The following PLA2G10 variants were observed in gnomAD, a reference collection of about 807,000 sequenced individuals.
PLA2G10 encodes group 10 secretory phospholipase A2.
A neutral mutation model predicts 7.9 loss-of-function variants in PLA2G10; 9 were observed. The ratio of observed to expected loss-of-function variants is 1.14; its 90% CI spans 0.68 to 1.98. The LOEUF (loss-of-function observed/expected upper bound fraction) is 1.98. PLA2G10 is among the 30% of genes most tolerant of loss of function. The probability of loss-of-function intolerance (pLI) is 0.00; values close to 1 mark genes in which losing one functional copy is unlikely to be tolerated. For synonymous variants in PLA2G10, 19 were observed against 27.5 expected, an observed-to-expected ratio of 0.69 and a Z score of 0.97; for missense variants, 53 against 65.4, an observed-to-expected ratio of 0.81 and a Z score of 0.66.
At chr16:14,683,459 C>T (rs536013948) in intron 3 of PLA2G10, among the ~76,000 whole-genome samples, 1 of 152,100 alleles carries the variant, frequency 6.6e-6, no homozygotes, top group Non-Finnish European at 1.5e-5. Flanking sequence ...TGGTCTCGAA[C>T]TCCTGAGTTC....
At chr16:14,675,780 A>C (rs1172756380) in intron 3 of PLA2G10, among the ~76,000 whole-genome samples, 1 of 152,040 alleles carries the variant, frequency 6.6e-6, no homozygotes, top group African/African-American at 2.4e-5. Flanking sequence ...CTCTACTAAA[A>C]ATACAAAAAT....
chr16:14,681,114 A>G (rs1960878417), intron 3 of PLA2G10, among the ~76,000 whole-genome samples: 1 of 151,452 alleles, frequency 6.6e-6, no homozygotes, highest in Non-Finnish European at 1.5e-5. Flanking sequence ...CAGTGAGCTG[A>G]GATAGCACCA....
At chr16:14,683,443 C>T (rs1225526254) in intron 3 of PLA2G10, among the ~76,000 whole-genome samples, 1 of 151,720 alleles carries the variant, frequency 6.6e-6, no homozygotes, top group African/African-American at 2.4e-5. Flanking sequence ...ACCGTGCTGC[C>T]CTGGCTGGTC....
intron 3 of PLA2G10, among the ~76,000 whole-genome samples, chr16:14,686,986 T>C (rs1354737796): frequency 6.6e-6 from 1 of 151,832 alleles, no homozygotes; most frequent in African/African-American, 2.4e-5. Flanking sequence ...CAGGCACCTG[T>C]AATCTCAGCT....
chr16:14,676,901 T>C (rs995551524), intron 3 of PLA2G10, among the ~76,000 whole-genome samples: 2 of 152,118 alleles, frequency 1.3e-5, no homozygotes, highest in African/African-American at 4.8e-5. Context: ...TTCTCACTTA[T>C]AAGTGAGAGC....
intron 3 of PLA2G10, among the ~76,000 whole-genome samples, chr16:14,674,368 A>G (rs1316734407): frequency 6.6e-6 from 1 of 152,204 alleles, no homozygotes. Flanking sequence ...CATTTTTCAC[A>G]TAATTAGAAG....
intron 3 of PLA2G10, among the ~76,000 whole-genome samples, chr16:14,677,480 C>A (rs1351505683): frequency 2.6e-5 from 4 of 152,150 alleles, no homozygotes; most frequent in Non-Finnish European, 5.9e-5. Context: ...GATTCTCCTG[C>A]CTCAGCCTCC....
chr16:14,685,014 T>A (rs956716063), intron 3 of PLA2G10, among the ~76,000 whole-genome samples: 1 of 152,198 alleles, frequency 6.6e-6, no homozygotes, highest in African/African-American at 2.4e-5. Flanking sequence ...CGAAATGTGA[T>A]CTATCCATGC....
At position 14,683,980 on chromosome 16, in the gene PLA2G10, A is replaced by T. The variant is rs1307349093; in HGVS notation, c.355+4185T>A. Among the ~76,000 whole-genome samples, 2 of 152,188 alleles carry T rather than the reference A, an allele frequency of 1.3e-5. 1 individual carries two copies. The highest frequency in any genetic ancestry group is 4.8e-5 in the African/African-American group (2 of 41,454). Reference sequence around the variant, plus strand: ...ACTGGGCATGGTGATTCATGCCTGCAATCCCAGCACTTTCAGAGGCAGACA... The same window carrying T: ...ACTGGGCATGGTGATTCATGCCTGCTATCCCAGCACTTTCAGAGGCAGACA... On this transcript the variant is annotated intron_variant, in intron 3 of 3. Coordinates refer to ENST00000438167, the MANE Select transcript of PLA2G10 (RefSeq NM_003561.3).
chr16:14,693,284 C>G lies in PLA2G10; in HGVS notation c.97+849G>C, dbSNP rs1385589599. Among the ~76,000 whole-genome samples, 11 of 18,280 alleles carry G rather than the reference C, an allele frequency of 6.0e-4. 5 individuals carry two copies. Among genetic ancestry groups the G allele is most frequent in the Non-Finnish European group, 1.1e-3 (9 of 8,158 alleles). 12.0% of individuals were successfully genotyped at this position (18,280 alleles called of 152,430 possible). On this transcript the variant is annotated intron_variant, in intron 1 of 3. Coordinates refer to ENST00000438167, the MANE Select transcript of PLA2G10 (RefSeq NM_003561.3). ...CCATCCTGTGACCCCAGGGTCTATG[C>G]GCACATATGTGTGTCTGTGCTGCTC...
intron 3 of PLA2G10, among the ~76,000 whole-genome samples, chr16:14,683,575 A>G (rs1960956605): frequency 6.6e-6 from 1 of 152,100 alleles, no homozygotes; most frequent in African/African-American, 2.4e-5. Flanking sequence ...TCAATGGGGA[A>G]GAGTCTCTTC....
intron 3 of PLA2G10, among the ~76,000 whole-genome samples, chr16:14,679,358 A>G (rs1207080029): frequency 1.3e-5 from 2 of 151,948 alleles, no homozygotes; most frequent in Admixed American, 1.3e-4. Context: ...GCATAGCAAG[A>G]CACCATCTCT....
chr16:14,686,060 T>C (rs1201041914), intron 3 of PLA2G10, among the ~76,000 whole-genome samples: 1 of 149,268 alleles, frequency 6.7e-6, no homozygotes, highest in African/African-American at 2.5e-5. Context: ...TGGTGCAATC[T>C]TGGCTCACTA....
chr16:14,674,728 G>A (rs954416778), intron 3 of PLA2G10, among the ~76,000 whole-genome samples: 2 of 151,784 alleles, frequency 1.3e-5, no homozygotes, highest in East Asian at 3.9e-4. Context: ...GAAAAAATCT[G>A]TAGGCATCAC....
chr16:14,674,205 A>G (rs1368252088), intron 3 of PLA2G10, among the ~76,000 whole-genome samples: 1 of 152,174 alleles, frequency 6.6e-6, no homozygotes, highest in African/African-American at 2.4e-5. Context: ...TACAAACAGA[A>G]CTACAAAACA....
intron 3 of PLA2G10, among the ~76,000 whole-genome samples, chr16:14,674,219 C>A (rs1466388003): frequency 6.6e-6 from 1 of 151,842 alleles, no homozygotes; most frequent in Non-Finnish European, 1.5e-5. Flanking sequence ...CAAAACACTG[C>A]CGAAAGAAAT....
At chr16:14,684,530 G>T (rs968016255) in intron 3 of PLA2G10, among the ~76,000 whole-genome samples, 1 of 151,920 alleles carries the variant, frequency 6.6e-6, no homozygotes, top group Admixed American at 6.6e-5. Context: ...GCTGGGCGTG[G>T]TGGCGGGCAC....
At chr16:14,683,401 T>A (rs752453065) in intron 3 of PLA2G10, among the ~76,000 whole-genome samples, 9 of 151,312 alleles carry the variant, frequency 5.9e-5, no homozygotes, top group Non-Finnish European at 1.0e-4. Context: ...CCCGCCTAAT[T>A]TTTTTTTGTA....
chr16:14,683,087 G>GTTTCTCATCTTACAAATCT (rs1454997183), intron 3 of PLA2G10, among the ~76,000 whole-genome samples: 6 of 151,816 alleles, frequency 4.0e-5, no homozygotes. Context: ...AACAAAATCT[G>GTTTCTCATCTTACAAATCT]TTTCTCATCT....
Sources: gnomAD v4.1 joint callset for allele counts (sites outside exome capture counted in the v4.1 genomes callset) on GRCh38, gnomAD v4.1.1 for gene constraint, MANE v1.5 for transcripts, NCBI Gene and HGNC (gene_info 2026-07-23, HGNC 2026-07-21) for gene names.